PACS2: variants seen among roughly 807,000 people sequenced by gnomAD.
PACS2 encodes the protein PACS1-like protein.
PACS2 carries 36 observed loss-of-function variants against 113.0 expected under a neutral mutation model. That is an observed-to-expected ratio of 0.32 (90% CI 0.24 to 0.42). The LOEUF (loss-of-function observed/expected upper bound fraction) is 0.42. PACS2 is among the 10% of genes least tolerant of loss of function. PACS2 has a pLI of 1.00. For missense variants in PACS2, 1,015 were observed against 1,239.5 expected (o/e 0.82, Z 2.72); for synonymous variants, 589 against 536.1 (o/e 1.10, Z -1.36).
At chr14:105,378,362 G>T (rs1277201753) in intron 9 of PACS2, among the ~76,000 whole-genome samples, 1 of 152,228 alleles carries the variant, frequency 6.6e-6, no homozygotes, top group Non-Finnish European at 1.5e-5. Flanking sequence ...GTCACCCAGG[G>T]TGGAGCAGCA....
rs375572432 is a variant in PACS2 at position 105,330,020 on chromosome 14, G to T, written c.119+14983G>T. Among the ~76,000 whole-genome samples, 32 of 152,352 alleles carry T rather than the reference G, an allele frequency of 2.1e-4. No homozygotes were observed. The highest frequency in any genetic ancestry group is 7.0e-4 in the African/African-American group (29 of 41,574). On this transcript the variant is annotated intron_variant, in intron 1 of 24. Coordinates refer to ENST00000447393, the MANE Select transcript of PACS2 (RefSeq NM_001100913.3). The surrounding 1 kb of genome is among the most constrained non-coding windows in gnomAD (Gnocchi z 6.9). ...TCTGGATGCCTGCTGGGGGATTTCA[G>T]TGAGAACCAGGAAGGGTTGAGCCAG... is the stretch of plus-strand genomic sequence containing the variant.
At chr14:105,377,590 G>C (rs587775530) in intron 9 of PACS2, among the ~76,000 whole-genome samples, 1 of 152,304 alleles carries the variant, frequency 6.6e-6, no homozygotes, top group Admixed American at 6.5e-5. Flanking sequence ...TAGACCTTTT[G>C]CTCTCACACT....
Position 105,365,766 on chromosome 14 carries a change from C to T in PACS2, c.424-1447C>T, listed in dbSNP as rs1555407812. Among the ~76,000 whole-genome samples the T allele has an allele frequency of 6.6e-6, 1 of 152,172 alleles. No homozygotes were observed. Among genetic ancestry groups the T allele is most frequent in the African/African-American group, 2.4e-5 (1 of 41,456 alleles). On this transcript the variant is annotated intron_variant, in intron 4 of 24. Transcript: ENST00000447393. This position sits in a 1 kb window ranked among gnomAD's most constrained non-coding sequence, Gnocchi z 5.1. ...CCGAGGGCTTCTGAGCTTCCAGGTT[C>T]TCACCCCTGTGTGACACTGAGACCC...
Position 105,382,054 on chromosome 14 carries a change from T to G in PACS2, c.1409T>G (p.Leu470Arg), listed in dbSNP as rs2081012916. Residue 470 changes from leucine (L) to arginine (R), a missense_variant, in exon 13 of 25, where the codon CTG (leucine) becomes CGG (arginine). Physicochemically the swap from Leu to Arg is moderately radical, Grantham distance 102. Around this residue, in one of 3 missense-constraint regions of PACS2, gnomAD observed 859 missense variants for 1,056.8 expected, o/e 0.81. Transcript: ENST00000447393. ...PDARSQLQVQLQIPRKTVYDQ... is the reference protein window; with the variant it reads ...PDARSQLQVQRQIPRKTVYDQ... ...GCCCGGAGCCAGCTACAGGTGCAGC[T>G]GCAGGTGGGGGTGGAGGGCGTGGCA... 6.5e-7 allele frequency: 1 copy of G among 1,542,906 alleles called. No individual in the cohort carries two copies. The highest frequency in any genetic ancestry group is 1.5e-5 in the African/African-American group (1 of 67,934).
chr14:105,376,027 G>A lies in PACS2; in HGVS notation c.802-741G>A, dbSNP rs2141203409. On this transcript the variant is annotated intron_variant, in intron 8 of 24. Coordinates refer to ENST00000447393, the MANE Select transcript of PACS2 (RefSeq NM_001100913.3). The surrounding 1 kb of genome is among the most constrained non-coding windows in gnomAD (Gnocchi z 4.7). ...GGGGAAGCAGGCACCTTCTTTATGG[G>A]GCAGCAGGTCGGAGTGGGTGCCTGC... 6.6e-6 allele frequency among the ~76,000 whole-genome samples: 1 copy of A among 152,280 alleles called. No homozygotes were observed. The highest frequency in any genetic ancestry group is 2.4e-5 in the African/African-American group (1 of 41,546).
In PACS2 at chr14:105,393,451, C is replaced by T. The variant is rs752024780; in HGVS notation, c.2596+116C>T. The stretch of plus-strand genomic sequence containing the variant: ...GTCTCGCTGTGACACGCACATTCCA[C>T]GATTCAAGGTGCAAGCACATTCGAT... On this transcript the variant is annotated intron_variant, in intron 24 of 24. Coordinates refer to ENST00000447393, the MANE Select transcript of PACS2 (RefSeq NM_001100913.3). 9.6e-6 allele frequency: 6 copies of T among 623,820 alleles called. 1 individual carries two copies. The highest frequency in any genetic ancestry group is 5.8e-5 in the East Asian group (2 of 34,530). The allele number at this position is 623,820 out of a possible 1,614,324, so 38.6% of individuals were successfully genotyped here.
chr14:105,368,279 G>A (rs1378758069), intron 6 of PACS2, 132 bp downstream of exon 6: 6 of 818,942 alleles, frequency 7.3e-6, no homozygotes, highest in African/African-American at 3.4e-5. Flanking sequence ...CTGGTTGGCC[G>A]CCCATCTCTC....
rs150162333 is a variant in PACS2, at chr14:105,344,916, T to C, written c.120-3577T>C. On this transcript the variant is annotated intron_variant, in intron 1 of 24. Coordinates refer to ENST00000447393, the MANE Select transcript of PACS2 (RefSeq NM_001100913.3). ...TGAGGTCAGGAGTTCGAGACCAGCC[T>C]GGCCAACATGGTGAAATCGTGTCTC... Among the ~76,000 whole-genome samples the C allele has an allele frequency of 5.8e-3, 876 of 151,224 alleles. 6 individuals are homozygous for C. The highest frequency in any genetic ancestry group is 9.8e-3 in the Non-Finnish European group (663 of 67,888).
intron 7 of PACS2, among the ~76,000 whole-genome samples, chr14:105,369,524 C>T (rs1324522763): frequency 6.6e-6 from 1 of 152,194 alleles, no homozygotes; most frequent in African/African-American, 2.4e-5. Flanking sequence ...CTTCTGGGGT[C>T]GGCCAGGGCC....
At chr14:105,384,047 C>T (rs942757687) in intron 16 of PACS2, 52 of 391,130 alleles carry the variant, frequency 1.3e-4, no homozygotes, top group African/African-American at 1.8e-4. Flanking sequence ...GTGGCCCTCA[C>T]GATGCCGACG....
At chr14:105,372,284 T>A (rs1048916050) in intron 8 of PACS2, 1 of 152,252 alleles carries the variant, frequency 6.6e-6, no homozygotes, top group Non-Finnish European at 1.5e-5. Flanking sequence ...TCTGAATTTT[T>A]CATTGTAAAA....
Position 105,344,698 on chromosome 14 carries a change from G to C in PACS2, c.120-3795G>C, listed in dbSNP as rs587745822. 2.6e-3 allele frequency among the ~76,000 whole-genome samples: 390 copies of C among 152,232 alleles called. 2 individuals are homozygous for C. Among genetic ancestry groups the C allele is most frequent in the African/African-American group, 9.0e-3 (374 of 41,536 alleles). On this transcript the variant is annotated intron_variant, in intron 1 of 24. Transcript: ENST00000447393. ...TATGAATTTTATTGATCTTCCCAAA[G>C]AACTAGCATTTGGTTTTATTTTATT...
chr14:105,365,561 C>T lies in PACS2; in HGVS notation c.424-1652C>T, dbSNP rs1267832301. ...CTGCCCTCCCACCTGAAGGAGGAAG[C>T]GAGCAGGGTTTTCTTAGGAGAAAAA... On this transcript the variant is annotated intron_variant, in intron 4 of 24. Coordinates refer to ENST00000447393, the MANE Select transcript of PACS2 (RefSeq NM_001100913.3). The surrounding 1 kb of genome is among the most constrained non-coding windows in gnomAD (Gnocchi z 5.1). Among the ~76,000 whole-genome samples the T allele has an allele frequency of 1.3e-4, 20 of 152,090 alleles. No individual in the cohort carries two copies. The highest frequency in any genetic ancestry group is 4.6e-4 in the African/African-American group (19 of 41,420).
chr14:105,309,118 A>AT lies in PACS2; in HGVS notation c.-83+8142dup, dbSNP rs1431311489. Among the ~76,000 whole-genome samples, 1 of 152,122 alleles carries AT rather than the reference A, an allele frequency of 6.6e-6. No homozygotes were observed. The highest frequency in any genetic ancestry group is 1.5e-5 in the Non-Finnish European group (1 of 68,026). On this transcript the variant is annotated intron_variant, in intron 1 of 23. Coordinates refer to the PACS2 transcript ENST00000430725. The surrounding 1 kb of genome is among the most constrained non-coding windows in gnomAD (Gnocchi z 4.0). ...TGATGTCTGTGAATGTCCTTGGCTG[A>AT]TTTCTGTATTAGGGCCTGGGTGTTT...
chr14:105,332,270 C>T (rs886456438), intron 1 of PACS2, among the ~76,000 whole-genome samples: 20 of 152,206 alleles, frequency 1.3e-4, no homozygotes, highest in African/African-American at 4.8e-4. Context: ...CCCCTCCCAG[C>T]CCCTCACTGG....
At chr14:105,333,188 C>A (rs1185173710) in intron 1 of PACS2, among the ~76,000 whole-genome samples, 1 of 152,196 alleles carries the variant, frequency 6.6e-6, no homozygotes, top group Non-Finnish European at 1.5e-5. Flanking sequence ...CTGTTCCCTA[C>A]CAGTCCCCAC....
At chr14:105,322,175 A>T (rs1595565590) in intron 1 of PACS2, among the ~76,000 whole-genome samples, 1 of 149,228 alleles carries the variant, frequency 6.7e-6, no homozygotes, top group East Asian at 2.0e-4. Context: ...CGACCTCGTG[A>T]TCCGCCCGCC....
At chr14:105,302,034 G>C (rs1215750912) in intron 1 of PACS2, among the ~76,000 whole-genome samples, 1 of 151,822 alleles carries the variant, frequency 6.6e-6, no homozygotes, top group Non-Finnish European at 1.5e-5. Context: ...AGCTACTCGC[G>C]AGTCTGAGAC....
intron 1 of PACS2, among the ~76,000 whole-genome samples, chr14:105,325,710 C>T (rs587698569): frequency 6.6e-6 from 1 of 152,358 alleles, no homozygotes; most frequent in East Asian, 1.9e-4. Flanking sequence ...ACTGTCCCTT[C>T]CCTGGCAGGC....
Sources: allele counts gnomAD v4.1 joint callset (sites outside exome capture counted in the v4.1 genomes callset), GRCh38; gene constraint gnomAD v4.1.1; regional missense constraint gnomAD v4.1.1; non-coding constraint Gnocchi (gnomAD v3.1); transcripts MANE v1.5; gene names NCBI Gene and HGNC (gene_info 2026-07-23, HGNC 2026-07-21).